BFSP1: variants seen among roughly 807,000 people sequenced by gnomAD.
BFSP1 encodes beaded filament structural protein 1, also known as filensin.
Under a neutral mutation model 43.9 loss-of-function variants are expected in BFSP1, and 38 were observed. The ratio of observed to expected loss-of-function variants is 0.87; its 90% confidence interval spans 0.67 to 1.14. The LOEUF (loss-of-function observed/expected upper bound fraction) is 1.14. BFSP1 is among the 50% of genes most tolerant of loss of function. The pLI is 0.00. For missense variants in BFSP1, 850 were observed against 875.1 expected (o/e 0.97, Z 0.36); for synonymous variants, 352 against 354.8 (o/e 0.99, Z 0.09).
chr20:17,541,923 A>T (rs911040184), intron 1 of BFSP1, among the ~76,000 whole-genome samples: 12 of 152,190 alleles, frequency 7.9e-5, no homozygotes, highest in African/African-American at 2.9e-4. Context: ...GATATTTTGG[A>T]CCAAATTCTC....
upstream of BFSP1, among the ~76,000 whole-genome samples, chr20:17,535,306 G>A (rs778064013): frequency 3.1e-4 from 47 of 152,080 alleles, no homozygotes; most frequent in African/African-American, 9.6e-4. Flanking sequence ...CAAGGTGGGC[G>A]GATCATGAGG....
Position 17,536,970 on chromosome 20 carries a change from G to A in BFSP1, c.3-12062C>T, listed in dbSNP as rs553163619. Among the ~76,000 whole-genome samples the A allele has an allele frequency of 4.9e-4, 75 of 152,306 alleles. No homozygotes were observed. In the South Asian group the frequency reaches 0.013, roughly 27 times the overall value. Reference sequence around the variant, plus strand: ...AAATGTGGCTGCCTTCAGAGATGGGGCCTGTAAAGAGGTAATTGAGGCTGT... The same window carrying A: ...AAATGTGGCTGCCTTCAGAGATGGGACCTGTAAAGAGGTAATTGAGGCTGT... On this transcript the variant is annotated intron_variant, in intron 1 of 7. Coordinates refer to the BFSP1 transcript ENST00000377868.
In BFSP1 at chr20:17,503,458, C is replaced by T. The variant is rs116277933; in HGVS notation, c.736-4418G>A. Reference sequence around the variant, plus strand: ...TGGCCGTTCCTTTTGGGTGTGGGTTCCCCAGCCCAGAGCGGGGGTAGTGGC... The same window carrying T: ...TGGCCGTTCCTTTTGGGTGTGGGTTTCCCAGCCCAGAGCGGGGGTAGTGGC... On this transcript the variant is annotated intron_variant, in intron 5 of 7. Coordinates refer to ENST00000377873, the MANE Select transcript of BFSP1 (RefSeq NM_001195.5). Among the ~76,000 whole-genome samples, 272 of 152,284 alleles carry T rather than the reference C, an allele frequency of 1.8e-3. 1 individual carries two copies. The highest frequency in any genetic ancestry group is 6.1e-3 in the African/African-American group (252 of 41,536).
In BFSP1 at chr20:17,494,236, G is replaced by C; in HGVS notation, c.1836C>G (p.Gly612=). The stretch of plus-strand genomic sequence containing the variant: ...TCTTATAGGCCAAAGCCTTGGGAGG[G>C]CCTTTTTCTGGCAGGCTTCTGCTCC... ...GTRSRSLPEK[G]PPKALAYKTV... is the part of the protein sequence containing the mutation. The change falls in exon 8 of 8, where the codon GGC becomes GGG. Residue 612 remains glycine (G), a synonymous_variant. Coordinates refer to ENST00000377873, the MANE Select transcript of BFSP1 (RefSeq NM_001195.5). 6.2e-7 allele frequency: 1 copy of C among 1,614,124 alleles called. No homozygotes were observed. The highest frequency in any genetic ancestry group is 8.5e-7 in the Non-Finnish European group (1 of 1,180,034).
upstream of BFSP1, among the ~76,000 whole-genome samples, chr20:17,535,843 A>G (rs1156963766): frequency 2.0e-5 from 3 of 152,196 alleles, no homozygotes; most frequent in East Asian, 3.8e-4. Context: ...TGGCTAAGAG[A>G]GGGAGAGGTG....
chr20:17,553,810 C>CATATAT (rs1568717863), intron 1 of BFSP1, among the ~76,000 whole-genome samples: 1 of 111,900 alleles, frequency 8.9e-6, no homozygotes, highest in Non-Finnish European at 1.7e-5. Context: ...CACACACACA[C>CATATAT]ACACACACAC....
Position 17,494,616 on chromosome 20 carries a change from CAT to C in BFSP1, c.1454_1455del (p.Tyr485CysfsTer7), listed in dbSNP as rs765030730. ...GDANYVDPRFYVSSITAKGGV... is the reference protein window; with the variant it reads ...GDANYVDPRFXVSSITAKGGV... ...CCACCTTTAGCTGTGATGGAGGAGA[CAT>C]AGAATCTAGGGTCCACGTAATTGGC... On this transcript the variant is annotated frameshift_variant, in exon 8 of 8. Transcript: ENST00000377873. LOFTEE classifies it low-confidence loss of function (END_TRUNC). The C allele has an allele frequency of 3.1e-6, 5 of 1,614,090 alleles. No homozygotes were observed. Among genetic ancestry groups the C allele is most frequent in the Non-Finnish European group, 4.2e-6 (5 of 1,180,042 alleles).
intron 1 of BFSP1, among the ~76,000 whole-genome samples, chr20:17,552,046 T>C (rs1191987976): frequency 6.6e-6 from 1 of 152,010 alleles, no homozygotes; most frequent in Admixed American, 6.6e-5. Context: ...GAGCTTATAT[T>C]CAATTGGAGA....
intron 5 of BFSP1, among the ~76,000 whole-genome samples, chr20:17,500,920 C>T (rs980703363): frequency 3.9e-5 from 6 of 152,192 alleles, no homozygotes; most frequent in South Asian, 2.1e-4. Flanking sequence ...CAAAACCTCA[C>T]TTCTACCTAG....
At chr20:17,554,600 T>C (rs2034959845) in intron 1 of BFSP1, among the ~76,000 whole-genome samples, 1 of 152,182 alleles carries the variant, frequency 6.6e-6, no homozygotes, top group Non-Finnish European at 1.5e-5. Flanking sequence ...AGAAATTTAT[T>C]TGACATATTA....
chr20:17,498,596 A>G (rs535031612), intron 6 of BFSP1, among the ~76,000 whole-genome samples: 2 of 151,956 alleles, frequency 1.3e-5, no homozygotes, highest in South Asian at 4.2e-4. Flanking sequence ...CATCACCCCT[A>G]TTGCCACCAC....
At chr20:17,566,972 C>T (rs2035126966) in intron 1 of BFSP1, among the ~76,000 whole-genome samples, 1 of 152,084 alleles carries the variant, frequency 6.6e-6, no homozygotes, top group Non-Finnish European at 1.5e-5. Flanking sequence ...TTTATAAGGG[C>T]ACTAATCCTA....
Position 17,507,537 on chromosome 20 carries a change from C to G in BFSP1, c.735+1352G>C, listed in dbSNP as rs949304417. ...TCTAGGACCACGACTGGGCTTGTAT[C>G]CACGTCCCTATTCACATACACAGCA... On this transcript the variant is annotated intron_variant, in intron 5 of 7. Coordinates refer to ENST00000377873, the MANE Select transcript of BFSP1 (RefSeq NM_001195.5). The surrounding 1 kb of genome is among the most constrained non-coding windows in gnomAD (Gnocchi z 4.4). 5.3e-5 allele frequency among the ~76,000 whole-genome samples: 8 copies of G among 151,928 alleles called. No homozygotes were observed. Among genetic ancestry groups the G allele is most frequent in the Non-Finnish European group, 8.8e-5 (6 of 67,958 alleles).
intron 5 of BFSP1, 58 bp from the exon 6 acceptor site, chr20:17,499,098 C>G: frequency 1.3e-6 from 2 of 1,512,206 alleles, no homozygotes; most frequent in Non-Finnish European, 1.8e-6. Flanking sequence ...AAGAGACAGA[C>G]CTCACCAGGA....
At chr20:17,509,185 G>A (rs903076256) in intron 4 of BFSP1, among the ~76,000 whole-genome samples, 189 bp from the exon 5 acceptor site, 2 of 152,164 alleles carry the variant, frequency 1.3e-5, no homozygotes, top group Admixed American at 6.5e-5. Context: ...AGGTCATGAG[G>A]ATGGGGGGCC....
chr20:17,524,232 A>T (rs1194438223), intron 2 of BFSP1, among the ~76,000 whole-genome samples: 1 of 152,194 alleles, frequency 6.6e-6, no homozygotes, highest in Non-Finnish European at 1.5e-5. Flanking sequence ...CTCCCAGCAA[A>T]AGCAGAAAAT....
chr20:17,529,634 T>C (rs1027581729), intron 1 of BFSP1, among the ~76,000 whole-genome samples: 1 of 152,242 alleles, frequency 6.6e-6, no homozygotes, highest in Middle Eastern at 3.2e-3. Context: ...TTTTTTCCAC[T>C]GCATAGTATT....
intron 7 of BFSP1, among the ~76,000 whole-genome samples, chr20:17,496,567 T>C (rs2033636643): frequency 6.6e-6 from 1 of 152,190 alleles, no homozygotes; most frequent in African/African-American, 2.4e-5. Context: ...AGTGTTCACT[T>C]ACTGCCGAGC....
chr20:17,559,493 T>G (rs191509396), upstream of BFSP1, among the ~76,000 whole-genome samples: 480 of 152,208 alleles, frequency 3.2e-3, 5 homozygotes, highest in Non-Finnish European at 5.4e-3. Context: ...CCCAAAGGGG[T>G]GCACCTTGCA....
Sources: allele counts gnomAD v4.1 joint callset (sites outside exome capture counted in the v4.1 genomes callset), GRCh38; gene constraint gnomAD v4.1.1; non-coding constraint Gnocchi (gnomAD v3.1); transcripts MANE v1.5; gene names NCBI Gene and HGNC (gene_info 2026-07-23, HGNC 2026-07-21).